Variants in AGAP1 observed in about 807,000 individuals in gnomAD.
The protein encoded by AGAP1 is ArfGAP with GTPase domain, ankyrin repeat and PH domain 1.
Under a neutral mutation model 105.3 loss-of-function variants are expected in AGAP1, and 29 were observed. The observed-to-expected ratio is 0.28, with a 90% CI of 0.21 to 0.38. The LOEUF (loss-of-function observed/expected upper bound fraction) is 0.38, where lower values mean the gene tolerates loss of function less well. Among genes scored for constraint, AGAP1 ranks in the 10% least tolerant of loss-of-function variants. The pLI is 1.00. For synonymous variants in AGAP1, 509 were observed against 485.9 expected, an observed-to-expected ratio of 1.05 and a Z score of -0.63; for missense variants, 998 against 1,165.1, an observed-to-expected ratio of 0.86 and a Z score of 2.09.
chr2:235,947,982 C>T (rs2053570583), intron 12 of AGAP1, among the ~76,000 whole-genome samples: 2 of 152,156 alleles, frequency 1.3e-5, no homozygotes. Context: ...GGATCAAAGC[C>T]TGAGCGTTGG....
chr2:235,986,588 A>G (rs567965510), intron 13 of AGAP1, among the ~76,000 whole-genome samples: 166 of 152,238 alleles, frequency 1.1e-3, no homozygotes, highest in Non-Finnish European at 2.0e-3. Context: ...TGCACATTAA[A>G]TATGATATTG....
At chr2:235,852,758 T>TC in intron 9 of AGAP1, 1 of 1,536,518 alleles carries the variant, frequency 6.5e-7, no homozygotes, top group Non-Finnish European at 8.8e-7. Context: ...TGCCCGTCAG[T>TC]CCTCCCCCTG....
chr2:235,852,727 T>C (rs755589159), intron 9 of AGAP1: 27 of 1,538,398 alleles, frequency 1.8e-5, no homozygotes, highest in South Asian at 9.7e-5. Flanking sequence ...CCAGCACTTA[T>C]CTCAGGCCTG....
chr2:236,016,215 A>C lies in AGAP1; in HGVS notation c.1646-20346A>C, dbSNP rs546409311. On this transcript the variant is annotated intron_variant, in intron 13 of 17. Coordinates refer to ENST00000304032, the MANE Select transcript of AGAP1 (RefSeq NM_001037131.3). ...TTTCAAAGCACTCAAGAAATAACCA[A>C]ATGAAAGAGGGAAAAGAATAGAAGT... is the stretch of plus-strand genomic sequence containing the variant. Among the ~76,000 whole-genome samples, 3 of 152,290 alleles carry C rather than the reference A, an allele frequency of 2.0e-5. No homozygotes were observed. The East Asian group carries it at 5.8e-4, about 29-fold the overall frequency.
chr2:236,037,746 T>C (rs1241553289), intron 14 of AGAP1, among the ~76,000 whole-genome samples: 1 of 152,206 alleles, frequency 6.6e-6, no homozygotes, highest in Non-Finnish European at 1.5e-5. Flanking sequence ...GTGATGTTCC[T>C]TCTACAAAAG....
chr2:235,660,029 A>G lies in AGAP1; in HGVS notation c.164-49150A>G, dbSNP rs770037038. ...ACCAGCATCCCATTCCCTGAAGTGA[A>G]GCAGCTGCCACCAGGCTGGCTTTTC... On this transcript the variant is annotated intron_variant, in intron 1 of 17. Coordinates refer to ENST00000304032, the MANE Select transcript of AGAP1 (RefSeq NM_001037131.3). This position sits in a 1 kb window ranked among gnomAD's most constrained non-coding sequence, Gnocchi z 5.3. Among the ~76,000 whole-genome samples, 1 of 152,220 alleles carries G rather than the reference A, an allele frequency of 6.6e-6. No individual in the cohort carries two copies. The highest frequency in any genetic ancestry group is 1.5e-5 in the Non-Finnish European group (1 of 68,042).
rs144160420 is a variant in AGAP1 at position 235,783,722 on chromosome 2, G to A, written c.674-14037G>A. The stretch of plus-strand genomic sequence containing the variant: ...AAGAATGGTTGCCAGGAAGTGAGAA[G>A]GAGGGATTGGTTGGGGTTGGGGGTG... On this transcript the variant is annotated intron_variant, in intron 6 of 17. Coordinates refer to ENST00000304032, the MANE Select transcript of AGAP1 (RefSeq NM_001037131.3). Among the ~76,000 whole-genome samples, 52 of 152,034 alleles carry A rather than the reference G, an allele frequency of 3.4e-4. No homozygotes were observed. The East Asian group carries it at 8.9e-3, about 26-fold the overall frequency.
At position 235,716,172 on chromosome 2, in the gene AGAP1, G is replaced by A. The variant is rs1951094594; in HGVS notation, c.223-1385G>A. Among the ~76,000 whole-genome samples, 1 of 152,214 alleles carries A rather than the reference G, an allele frequency of 6.6e-6. No individual in the cohort carries two copies. Among genetic ancestry groups the A allele is most frequent in the South Asian group, 2.1e-4 (1 of 4,828 alleles). ...AGCTCATTGAGAGAAGGTTGGATGT[G>A]GACAGGCGCATGTTGGGACATTAGA... On this transcript the variant is annotated intron_variant, in intron 2 of 17. Coordinates refer to ENST00000304032, the MANE Select transcript of AGAP1 (RefSeq NM_001037131.3). This position sits in a 1 kb window ranked among gnomAD's most constrained non-coding sequence, Gnocchi z 4.0.
chr2:235,512,105 A>T (rs200597682), intron 1 of AGAP1, among the ~76,000 whole-genome samples: 26 of 89,160 alleles, frequency 2.9e-4, no homozygotes, highest in South Asian at 2.0e-3. Flanking sequence ...GTGTGTGTGA[A>T]TGTGTGTGTG....
intron 1 of AGAP1, among the ~76,000 whole-genome samples, chr2:235,704,858 G>C (rs1176431027): frequency 6.6e-6 from 1 of 152,098 alleles, no homozygotes; most frequent in African/African-American, 2.4e-5. Context: ...CAGCAGCAGG[G>C]AGAACCTGTC....
At chr2:235,683,752 G>A (rs1313924858) in intron 1 of AGAP1, among the ~76,000 whole-genome samples, 3 of 151,350 alleles carry the variant, frequency 2.0e-5, no homozygotes, top group Non-Finnish European at 4.4e-5. Flanking sequence ...ACAACATGTA[G>A]GTTTGTTACA....
intron 1 of AGAP1, among the ~76,000 whole-genome samples, chr2:235,593,575 C>T (rs563315688): frequency 2.4e-4 from 37 of 152,156 alleles, no homozygotes; most frequent in African/African-American, 8.9e-4. Flanking sequence ...ATATGTTTTC[C>T]GTGTATATAG....
rs2054977261 is a variant in AGAP1, at chr2:235,979,025, G to A, written c.1645+10402G>A. Among the ~76,000 whole-genome samples the A allele has an allele frequency of 6.6e-6, 1 of 151,978 alleles. No homozygotes were observed. Among genetic ancestry groups the A allele is most frequent in the South Asian group, 2.1e-4 (1 of 4,824 alleles). On this transcript the variant is annotated intron_variant, in intron 13 of 17. Coordinates refer to ENST00000304032, the MANE Select transcript of AGAP1 (RefSeq NM_001037131.3). The surrounding 1 kb of genome is among the most constrained non-coding windows in gnomAD (Gnocchi z 4.5). ...TCTCTTGAAATTTTTTTGGACTTACGGACATTTAATTCAGATGCAGTGAAC... is the reference window on the plus strand; with the variant it reads ...TCTCTTGAAATTTTTTTGGACTTACAGACATTTAATTCAGATGCAGTGAAC...
chr2:236,053,273 C>A lies in AGAP1; in HGVS notation c.2114+3992C>A, dbSNP rs1043407804. The stretch of plus-strand genomic sequence containing the variant: ...TCTCCTGCATGAATGAATGATTGAA[C>A]GAGTAAATGAGTGAAAGCGGGAACT... On this transcript the variant is annotated intron_variant, in intron 16 of 17. Coordinates refer to ENST00000304032, the MANE Select transcript of AGAP1 (RefSeq NM_001037131.3). This position sits in a 1 kb window ranked among gnomAD's most constrained non-coding sequence, Gnocchi z 4.6. Among the ~76,000 whole-genome samples, 1 of 152,160 alleles carries A rather than the reference C, an allele frequency of 6.6e-6. No individual in the cohort carries two copies. The highest frequency in any genetic ancestry group is 1.9e-4 in the East Asian group (1 of 5,196).
Position 235,993,932 on chromosome 2 carries a change from A to G in AGAP1, c.1645+25309A>G, listed in dbSNP as rs531677504. 2.0e-5 allele frequency among the ~76,000 whole-genome samples: 3 copies of G among 152,252 alleles called. No individual in the cohort carries two copies. The highest frequency in any genetic ancestry group is 7.2e-5 in the African/African-American group (3 of 41,542). ...TCTGTGAGCAAATGGGATTTTACTA[A>G]TATGAAAACCCAGAACATTCCAGAT... is the stretch of plus-strand genomic sequence containing the variant. On this transcript the variant is annotated intron_variant, in intron 13 of 17. Transcript: ENST00000304032. The surrounding 1 kb of genome is among the most constrained non-coding windows in gnomAD (Gnocchi z 5.0).
chr2:235,837,868 G>T (rs1330881162), intron 9 of AGAP1, among the ~76,000 whole-genome samples: 1 of 152,036 alleles, frequency 6.6e-6, no homozygotes. Context: ...GGGAGTACAG[G>T]CTCCCTTAAT....
At chr2:235,984,774 A>G (rs1207880554) in intron 13 of AGAP1, among the ~76,000 whole-genome samples, 1 of 152,024 alleles carries the variant, frequency 6.6e-6, no homozygotes, top group African/African-American at 2.4e-5. Flanking sequence ...CTTGCAAAGG[A>G]CATGATCTCA....
rs572116093 is a variant in AGAP1, at chr2:235,631,863, G to A, written c.164-77316G>A. On this transcript the variant is annotated intron_variant, in intron 1 of 17. Coordinates refer to ENST00000304032, the MANE Select transcript of AGAP1 (RefSeq NM_001037131.3). The surrounding 1 kb of genome is among the most constrained non-coding windows in gnomAD (Gnocchi z 5.4). Reference sequence around the variant, plus strand: ...CCACTCTCGTGAGATGCAACTGGAGGTGTTTTGTGGCAGCTTCTGGAAGGC... The same window carrying A: ...CCACTCTCGTGAGATGCAACTGGAGATGTTTTGTGGCAGCTTCTGGAAGGC... Among the ~76,000 whole-genome samples the A allele has an allele frequency of 6.6e-6, 1 of 152,314 alleles. No homozygotes were observed. Among genetic ancestry groups the A allele is most frequent in the African/African-American group, 2.4e-5 (1 of 41,584 alleles).
intron 16 of AGAP1, among the ~76,000 whole-genome samples, chr2:236,100,098 C>A (rs2125901602): frequency 1.3e-5 from 2 of 152,226 alleles, no homozygotes; most frequent in African/African-American, 4.8e-5. Context: ...TGGGCCCCTT[C>A]TGAGCACTGG....
Sources: allele counts gnomAD v4.1 joint callset (sites outside exome capture counted in the v4.1 genomes callset), GRCh38; gene constraint gnomAD v4.1.1; non-coding constraint Gnocchi (gnomAD v3.1); transcripts MANE v1.5; gene names NCBI Gene and HGNC (gene_info 2026-07-23, HGNC 2026-07-21).